GABRB2: variants seen among roughly 807,000 people sequenced by gnomAD.
GABRB2 encodes gamma-aminobutyric acid type A receptor subunit beta2.
In GABRB2, 16 loss-of-function variants were observed where a neutral mutation model predicts 54.7. The ratio of observed to expected loss-of-function variants is 0.29; its 90% CI spans 0.20 to 0.44. The LOEUF is 0.44. GABRB2 is among the 20% of genes least tolerant of loss of function. GABRB2 has a pLI of 1.00. For synonymous variants in GABRB2, 244 were observed against 233.8 expected (o/e 1.04, Z -0.40); for missense variants, 355 against 644.0 (o/e 0.55, Z 4.86).
intron 3 of GABRB2, among the ~76,000 whole-genome samples, chr5:161,511,242 G>C (rs1759758641): frequency 6.6e-6 from 1 of 151,796 alleles, no homozygotes. Flanking sequence ...AAATAATCTT[G>C]CTCTTTTCTT....
chr5:161,450,716 A>G (rs549393667), intron 4 of GABRB2, among the ~76,000 whole-genome samples: 1 of 152,338 alleles, frequency 6.6e-6, no homozygotes, highest in South Asian at 2.1e-4. Context: ...GCTATAAAAA[A>G]AGGAGGTGAA....
intron 3 of GABRB2, among the ~76,000 whole-genome samples, chr5:161,517,620 C>G (rs1263959889): frequency 6.6e-6 from 1 of 152,172 alleles, no homozygotes; most frequent in Non-Finnish European, 1.5e-5. Flanking sequence ...TAGCTGGGCA[C>G]TGCCGCTATT....
At chr5:161,466,611 C>A (rs574932973) in intron 3 of GABRB2, among the ~76,000 whole-genome samples, 1 of 152,176 alleles carries the variant, frequency 6.6e-6, no homozygotes, top group South Asian at 2.1e-4. Context: ...CATTTACCCT[C>A]ATTTTCCATG....
At chr5:161,547,202 G>C (rs987398552), upstream of GABRB2, 2 of 143,996 alleles carry the variant, frequency 1.4e-5, no homozygotes, top group South Asian at 2.3e-4. Flanking sequence ...ACTGGGATGG[G>C]GGGGGCGGGG....
chr5:161,361,827 A>T (rs999030279), intron 5 of GABRB2, among the ~76,000 whole-genome samples: 5 of 152,158 alleles, frequency 3.3e-5, no homozygotes, highest in African/African-American at 1.2e-4. Context: ...CTGCCTTTAT[A>T]AAAAATTTAA....
At chr5:161,483,850 C>G (rs1436613017) in intron 3 of GABRB2, among the ~76,000 whole-genome samples, 3 of 151,804 alleles carry the variant, frequency 2.0e-5, no homozygotes, top group African/African-American at 7.3e-5. Flanking sequence ...TCCCAAATCC[C>G]TGACAGATGG....
At chr5:161,513,484 A>G (rs746574231) in intron 3 of GABRB2, among the ~76,000 whole-genome samples, 1 of 152,154 alleles carries the variant, frequency 6.6e-6, no homozygotes, top group African/African-American at 2.4e-5. Context: ...TTGCTGCAAC[A>G]TGGATGCAGC....
intron 4 of GABRB2, among the ~76,000 whole-genome samples, chr5:161,411,285 C>T (rs1279764337): frequency 6.6e-6 from 1 of 152,122 alleles, no homozygotes; most frequent in Non-Finnish European, 1.5e-5. Context: ...CTACTTGTAT[C>T]AAAATAATCT....
At chr5:161,341,833 G>C (rs562584360) in intron 5 of GABRB2, among the ~76,000 whole-genome samples, 28 of 149,200 alleles carry the variant, frequency 1.9e-4, no homozygotes, top group African/African-American at 6.1e-4. Context: ...TTTTAGAATT[G>C]TTTTACTGTG....
At chr5:161,357,938 G>A (rs182812120) in intron 5 of GABRB2, among the ~76,000 whole-genome samples, 479 of 152,228 alleles carry the variant, frequency 3.1e-3, no homozygotes, top group Middle Eastern at 6.8e-3. Flanking sequence ...AATACACAAA[G>A]CTTGGCATTT....
intron 5 of GABRB2, among the ~76,000 whole-genome samples, chr5:161,392,560 C>T (rs961611310): frequency 1.3e-5 from 2 of 152,164 alleles, no homozygotes; most frequent in Non-Finnish European, 2.9e-5. Flanking sequence ...GGACCAAATT[C>T]GGACTCCACC....
intron 4 of GABRB2, among the ~76,000 whole-genome samples, chr5:161,425,073 T>C (rs562647833): frequency 5.9e-5 from 9 of 152,218 alleles, no homozygotes; most frequent in Admixed American, 2.0e-4. Context: ...ACTTTAAGGA[T>C]TGAGAATTTT....
At chr5:161,401,955 A>C (rs1256975992) in intron 5 of GABRB2, among the ~76,000 whole-genome samples, 1 of 152,162 alleles carries the variant, frequency 6.6e-6, no homozygotes, top group African/African-American at 2.4e-5. Flanking sequence ...GCTATTGAGC[A>C]CATGAAAATA....
intron 3 of GABRB2, among the ~76,000 whole-genome samples, chr5:161,495,664 T>A (rs1013778265): frequency 6.6e-6 from 1 of 152,014 alleles, no homozygotes; most frequent in Non-Finnish European, 1.5e-5. Context: ...AAATGGAAGA[T>A]TTCTTTGCTA....
intron 4 of GABRB2, among the ~76,000 whole-genome samples, chr5:161,429,758 G>A (rs76046699): frequency 3.9e-5 from 6 of 152,086 alleles, no homozygotes; most frequent in African/African-American, 7.2e-5. Context: ...TCTAATCAAG[G>A]AGCCACAAAC....
intron 9 of GABRB2, among the ~76,000 whole-genome samples, chr5:161,298,171 A>G (rs989755895): frequency 1.3e-5 from 2 of 152,026 alleles, no homozygotes; most frequent in African/African-American, 4.8e-5. Context: ...TAGATTCTGG[A>G]TATTAGCCCA....
At chr5:161,397,852 A>G (rs1756052015) in intron 5 of GABRB2, among the ~76,000 whole-genome samples, 1 of 152,176 alleles carries the variant, frequency 6.6e-6, no homozygotes, top group African/African-American at 2.4e-5. Flanking sequence ...ACTGTCTGGG[A>G]CTGAATCCTG....
chr5:161,418,104 C>T (rs1216291765), intron 4 of GABRB2, among the ~76,000 whole-genome samples: 1 of 152,204 alleles, frequency 6.6e-6, no homozygotes, highest in Non-Finnish European at 1.5e-5. Flanking sequence ...AAGGGCTACA[C>T]AGGTTTCTGC....
intron 9 of GABRB2, among the ~76,000 whole-genome samples, chr5:161,306,198 C>T (rs1757686201): frequency 6.6e-6 from 1 of 152,146 alleles, no homozygotes; most frequent in Non-Finnish European, 1.5e-5. Context: ...CAGTTCCAGG[C>T]AAGAGGGAAA....
Sources: gnomAD v4.1 joint callset for allele counts (sites outside exome capture counted in the v4.1 genomes callset) on GRCh38, gnomAD v4.1.1 for gene constraint, MANE v1.5 for transcripts, NCBI Gene and HGNC (gene_info 2026-07-23, HGNC 2026-07-21) for gene names.